Variants in TXNL4A observed in about 807,000 individuals in gnomAD.
TXNL4A encodes thioredoxin like 4A.
Under a neutral mutation model 14.6 loss-of-function variants are expected in TXNL4A, and 17 were observed. That is an observed-to-expected ratio of 1.16 (90% CI 0.80 to 1.74). TXNL4A has a LOEUF of 1.74. TXNL4A is among the 40% of genes most tolerant of loss of function. TXNL4A has a pLI of 0.00. For missense variants in TXNL4A, 74 were observed against 195.2 expected, an observed-to-expected ratio of 0.38 and a Z score of 3.70; for synonymous variants, 83 against 70.6, an observed-to-expected ratio of 1.18 and a Z score of -0.88.
Position 79,993,654 on chromosome 18 carries a change from G to A in TXNL4A, c.-60-15953C>T, listed in dbSNP as rs567549505. ...GTGTGTTTCAGTCCTTTCAGCTACC[G>A]GATTTGACCAACTCCAAACCCTCTA... On this transcript the variant is annotated intron_variant, in intron 1 of 2. Transcript: ENST00000585474. The surrounding 1 kb of genome is among the most constrained non-coding windows in gnomAD (Gnocchi z 4.4). Among the ~76,000 whole-genome samples the A allele has an allele frequency of 6.6e-6, 1 of 151,962 alleles. No individual in the cohort carries two copies. The highest frequency in any genetic ancestry group is 1.5e-5 in the Non-Finnish European group (1 of 67,970).
chr18:79,998,675 C>A (rs1845239401), intron 1 of TXNL4A, among the ~76,000 whole-genome samples: 1 of 148,976 alleles, frequency 6.7e-6, no homozygotes, highest in Admixed American at 6.8e-5. Flanking sequence ...GTATGGGTTC[C>A]CCCCTTACCA....
intron 1 of TXNL4A, among the ~76,000 whole-genome samples, chr18:80,028,242 TA>T (rs2051898038): frequency 6.7e-6 from 1 of 149,138 alleles, no homozygotes; most frequent in African/African-American, 2.5e-5. Context: ...GTGAGAGCAG[TA>T]GCAACCATGG....
At position 80,011,555 on chromosome 18, in the gene TXNL4A, C is replaced by T. The variant is rs1001793302; in HGVS notation, c.-61+22296G>A. 1.8e-4 allele frequency among the ~76,000 whole-genome samples: 27 copies of T among 152,242 alleles called. No homozygotes were observed. The highest frequency in any genetic ancestry group is 3.5e-4 in the Non-Finnish European group (24 of 68,020). ...TCTGGGGCGCCAGATGAGTTGGTCT[C>T]CCCTGTGTGAGACACCCATGGGGAG... On this transcript the variant is annotated intron_variant, in intron 1 of 2. Coordinates refer to the TXNL4A transcript ENST00000585474. This position sits in a 1 kb window ranked among gnomAD's most constrained non-coding sequence, Gnocchi z 4.1.
At position 79,988,493 on chromosome 18, in the gene TXNL4A, G is replaced by A; in HGVS notation, c.-101C>T. ...CACTCCCCGGCCCCCGCCGCCCCCG[G>A]GCCCACGGACGAAATCCGGTCCCGC... On this transcript the variant is annotated 5_prime_UTR_variant, in exon 1 of 3. Transcript: ENST00000269601. 8.2e-7 allele frequency: 1 copy of A among 1,218,506 alleles called. No individual in the cohort carries two copies. Among genetic ancestry groups the A allele is most frequent in the Non-Finnish European group, 1.0e-6 (1 of 967,938 alleles). The allele number at this position is 1,218,506 out of a possible 1,614,324, so 75.5% of individuals were successfully genotyped here.
chr18:80,023,986 T>G (rs1359767330), intron 1 of TXNL4A, among the ~76,000 whole-genome samples: 1 of 152,216 alleles, frequency 6.6e-6, no homozygotes, highest in East Asian at 1.9e-4. Context: ...TTTCTTCGAT[T>G]GACATCCGGT....
At chr18:79,987,871 C>CA (rs1253912049) in intron 1 of TXNL4A, among the ~76,000 whole-genome samples, 2 of 152,154 alleles carry the variant, frequency 1.3e-5, no homozygotes, top group Non-Finnish European at 2.9e-5. Flanking sequence ...ACTCAGGTAC[C>CA]AAAAAAAGAC....
At position 80,011,906 on chromosome 18, in the gene TXNL4A, G is replaced by C. The variant is rs1018239613; in HGVS notation, c.-61+21945C>G. Reference sequence around the variant, plus strand: ...TTGCTCGAGGAAATTCACAGAAACCGAGACTGCTAAACATCTTATTGAGTG... The same window carrying C: ...TTGCTCGAGGAAATTCACAGAAACCCAGACTGCTAAACATCTTATTGAGTG... On this transcript the variant is annotated intron_variant, in intron 1 of 2. Transcript: ENST00000585474. This position sits in a 1 kb window ranked among gnomAD's most constrained non-coding sequence, Gnocchi z 4.1. 6.6e-6 allele frequency among the ~76,000 whole-genome samples: 1 copy of C among 152,008 alleles called. No homozygotes were observed. Among genetic ancestry groups the C allele is most frequent in the African/African-American group, 2.4e-5 (1 of 41,384 alleles).
At chr18:79,980,529 G>A (rs979508682) in intron 1 of TXNL4A, among the ~76,000 whole-genome samples, 3 of 152,102 alleles carry the variant, frequency 2.0e-5, no homozygotes, top group Non-Finnish European at 1.5e-5. Context: ...AATAGGAACA[G>A]ACGGGTTCAC....
chr18:79,991,650 CTG>C (rs1356329687), upstream of TXNL4A, among the ~76,000 whole-genome samples: 4 of 152,156 alleles, frequency 2.6e-5, no homozygotes, highest in Admixed American at 6.5e-5. Context: ...CATGTGGTAA[CTG>C]TTTAACATTT....
At chr18:80,008,849 C>G (rs1478227296) in intron 1 of TXNL4A, among the ~76,000 whole-genome samples, 5 of 152,242 alleles carry the variant, frequency 3.3e-5, no homozygotes, top group Non-Finnish European at 7.3e-5. Flanking sequence ...ACGATCGTGG[C>G]TCACTGCAAC....
intron 1 of TXNL4A, among the ~76,000 whole-genome samples, chr18:80,012,529 G>A (rs546061945): frequency 5.9e-5 from 9 of 152,302 alleles, no homozygotes; most frequent in African/African-American, 2.2e-4. Flanking sequence ...GTTCCCTGAA[G>A]GGATGGTTTT....
intron 1 of TXNL4A, among the ~76,000 whole-genome samples, chr18:80,014,553 T>C (rs1472335039): frequency 6.6e-6 from 1 of 152,232 alleles, no homozygotes; most frequent in Non-Finnish European, 1.5e-5. Flanking sequence ...TCCCATGGTC[T>C]TGGGCAGCTC....
chr18:80,013,423 A>G (rs202096355), intron 1 of TXNL4A, among the ~76,000 whole-genome samples: 7 of 144,382 alleles, frequency 4.8e-5, no homozygotes, highest in African/African-American at 1.8e-4. Context: ...ACCTGGCCCC[A>G]TTAAATATTT....
At chr18:79,984,795 T>C (rs2051518980) in intron 1 of TXNL4A, among the ~76,000 whole-genome samples, 2 of 152,158 alleles carry the variant, frequency 1.3e-5, no homozygotes, top group African/African-American at 4.8e-5. Flanking sequence ...TTTTAAACTC[T>C]ATTTGCGTGG....
In TXNL4A at chr18:80,013,186, G is replaced by A. The variant is rs190703386; in HGVS notation, c.-61+20665C>T. Among the ~76,000 whole-genome samples the A allele has an allele frequency of 7.4e-5, 11 of 148,528 alleles. No individual in the cohort carries two copies. The East Asian group carries it at 2.2e-3, about 30-fold the overall frequency. ...CCCAGGCTGGAGCACAGTGGCGCGC[G>A]ATCTTGGCTCACTGCAAGCTCCGCC... On this transcript the variant is annotated intron_variant, in intron 1 of 2. Transcript: ENST00000585474.
intron 1 of TXNL4A, among the ~76,000 whole-genome samples, chr18:80,015,300 A>G (rs2051799998): frequency 6.6e-6 from 1 of 151,888 alleles, no homozygotes; most frequent in Admixed American, 6.6e-5. Flanking sequence ...CAGGCTGCAA[A>G]TTTTCTGAAC....
chr18:79,994,345 G>A (rs905156831), intron 1 of TXNL4A, among the ~76,000 whole-genome samples: 2 of 152,176 alleles, frequency 1.3e-5, no homozygotes, highest in South Asian at 2.1e-4. Flanking sequence ...TAGCCAGCGG[G>A]GGGAAAGATC....
intron 1 of TXNL4A, among the ~76,000 whole-genome samples, chr18:80,025,545 T>C (rs1316699394): frequency 6.6e-6 from 1 of 152,244 alleles, no homozygotes; most frequent in Non-Finnish European, 1.5e-5. Flanking sequence ...TATGGAGATT[T>C]CTCTTATGAC....
At chr18:80,000,626 T>A (rs1052906602) in intron 1 of TXNL4A, among the ~76,000 whole-genome samples, 1 of 152,156 alleles carries the variant, frequency 6.6e-6, no homozygotes, top group African/African-American at 2.4e-5. Context: ...GAAATTTGCA[T>A]AAGTAATGAG....
Sources: allele counts gnomAD v4.1 joint callset (sites outside exome capture counted in the v4.1 genomes callset), GRCh38; gene constraint gnomAD v4.1.1; non-coding constraint Gnocchi (gnomAD v3.1); transcripts MANE v1.5; gene names NCBI Gene and HGNC (gene_info 2026-07-23, HGNC 2026-07-21).